Variants in CCNT2 observed in about 807,000 individuals in gnomAD.
CCNT2 encodes cyclin-T2.
In CCNT2, 18 loss-of-function variants were observed where a neutral mutation model predicts 70.0. The ratio of observed to expected loss-of-function variants is 0.26; its 90% CI spans 0.18 to 0.38. The LOEUF (loss-of-function observed/expected upper bound fraction) is 0.38. Among genes scored for constraint, CCNT2 ranks in the 10% least tolerant of loss-of-function variants. The pLI, the probability that CCNT2 is intolerant of heterozygous loss-of-function variation, is 1.00. For synonymous variants in CCNT2, 334 were observed against 313.3 expected (o/e 1.07, Z -0.70); for missense variants, 734 against 890.2 (o/e 0.82, Z 2.23).
At position 134,959,286 on chromosome 2, in the gene CCNT2, G is replaced by C. The variant is rs1161678026; in HGVS notation, c.*4638G>C. Reference sequence around the variant, plus strand: ...GTGTATATGGCATGAATTAGTCATTGACTTTAAGCTTCTTATCCATACAAG... The same window carrying C: ...GTGTATATGGCATGAATTAGTCATTCACTTTAAGCTTCTTATCCATACAAG... On this transcript the variant is annotated 3_prime_UTR_variant, in exon 9 of 9. Coordinates refer to ENST00000264157, the MANE Select transcript of CCNT2 (RefSeq NM_058241.3). The C allele has an allele frequency of 6.6e-6, 1 of 152,196 alleles. No individual in the cohort carries two copies. The highest frequency in any genetic ancestry group is 2.4e-5 in the African/African-American group (1 of 41,446). The allele number at this position is 152,196 out of a possible 1,614,324, so 9.4% of individuals were successfully genotyped here.
chr2:134,944,890 T>C, intron 5 of CCNT2: 1 of 985,344 alleles, frequency 1.0e-6, no homozygotes, highest in South Asian at 4.7e-5. Flanking sequence ...TTTTTAATTA[T>C]TATTTTTTCC....
At chr2:134,939,103 C>T (rs761078441) in intron 4 of CCNT2, 41 bp downstream of exon 4, 3 of 1,232,768 alleles carry the variant, frequency 2.4e-6, no homozygotes, top group Non-Finnish European at 3.5e-6. Context: ...GTGTGTATTT[C>T]ACTAAAGCAT....
chr2:134,954,693 A>G lies in CCNT2; in HGVS notation c.*45A>G. 1 of 1,335,938 alleles carries G rather than the reference A, an allele frequency of 7.5e-7. No individual in the cohort carries two copies. The highest frequency in any genetic ancestry group is 1.1e-6 in the Non-Finnish European group (1 of 947,616). 82.8% of individuals were successfully genotyped at this position (1,335,938 alleles called of 1,614,324 possible). On this transcript the variant is annotated 3_prime_UTR_variant, in exon 9 of 9. Transcript: ENST00000264157. Reference sequence around the variant, plus strand: ...TTTCCTTTACTTTTTTAATTTAAAAATTGTTAGAATGGAAAAATTCCTTCT... The same window carrying G: ...TTTCCTTTACTTTTTTAATTTAAAAGTTGTTAGAATGGAAAAATTCCTTCT...
Position 134,918,893 on chromosome 2 carries a change from T to C in CCNT2, c.39T>C (p.Phe13=), listed in dbSNP as rs1679605593. 2.5e-6 allele frequency: 4 copies of C among 1,613,964 alleles called. No homozygotes were observed. Among genetic ancestry groups the C allele is most frequent in the African/African-American group, 2.7e-5 (2 of 75,052 alleles). ...GTGGAGCTTCTTCTCGCTGGTTCTTTACTCGGGAACAGCTGGAGAACACGC... is the reference window on the plus strand; with the variant it reads ...GTGGAGCTTCTTCTCGCTGGTTCTTCACTCGGGAACAGCTGGAGAACACGC... ...SGRGASSRWF[F]TREQLENTPS... The change falls in exon 1 of 9, where the codon TTT becomes TTC. Residue 13 remains phenylalanine, a synonymous_variant. Transcript: ENST00000264157.
rs1458761295 is a variant in CCNT2 at position 134,944,735 on chromosome 2, GT to G, written c.494-1363del. The G allele has an allele frequency of 4.1e-6, 4 of 984,756 alleles. No homozygotes were observed. The African/African-American group carries it at 5.2e-5, about 13-fold the overall frequency. The allele number at this position is 984,756 out of a possible 1,614,324, so 61.0% of individuals were successfully genotyped here. On this transcript the variant is annotated intron_variant, in intron 5 of 8. Coordinates refer to ENST00000264157, the MANE Select transcript of CCNT2 (RefSeq NM_058241.3). Reference sequence around the variant, plus strand: ...TATCTCACTCCATTTTAAAAGTACTGTTTCATGTTTTAGTGTCTTTTTGTTT... The same window carrying G: ...TATCTCACTCCATTTTAAAAGTACTGTTCATGTTTTAGTGTCTTTTTGTTT...
rs1268291297 is a variant in CCNT2 at position 134,952,066 on chromosome 2, G to C, written c.704-575G>C. On this transcript the variant is annotated intron_variant, in intron 7 of 8. Coordinates refer to ENST00000264157, the MANE Select transcript of CCNT2 (RefSeq NM_058241.3). ...ATCCATTTTGAGCAAGAATACCATAGAAGTAAATTGGGTCTTGCTTGGTGC... is the reference window on the plus strand; with the variant it reads ...ATCCATTTTGAGCAAGAATACCATACAAGTAAATTGGGTCTTGCTTGGTGC... Among the ~76,000 whole-genome samples the C allele has an allele frequency of 2.0e-5, 3 of 152,120 alleles. No individual in the cohort carries two copies. The East Asian group carries it at 5.8e-4, about 29-fold the overall frequency.
chr2:134,930,035 TA>T (rs1680628141), intron 2 of CCNT2, among the ~76,000 whole-genome samples: 2 of 152,232 alleles, frequency 1.3e-5, no homozygotes, highest in Admixed American at 1.3e-4. Context: ...TCCACCTATT[TA>T]GAATGCATAA....
At chr2:134,948,861 C>T (rs1327622862) in intron 7 of CCNT2, among the ~76,000 whole-genome samples, 4 of 151,706 alleles carry the variant, frequency 2.6e-5, no homozygotes, top group African/African-American at 4.8e-5. Flanking sequence ...ACTGCAGGCA[C>T]GAGCCACCAC....
At position 134,953,518 on chromosome 2, in the gene CCNT2, C is replaced by G; in HGVS notation, c.1063C>G (p.Gln355Glu). 1 of 1,614,180 alleles carries G rather than the reference C, an allele frequency of 6.2e-7. No individual in the cohort carries two copies. The highest frequency in any genetic ancestry group is 8.5e-7 in the Non-Finnish European group (1 of 1,180,034). Reference sequence around the variant, plus strand: ...ATCACACCAGGAATGGCCTCAACATCAAGACTCAGCAAGGACAGAACAGCT... The same window carrying G: ...ATCACACCAGGAATGGCCTCAACATGAAGACTCAGCAAGGACAGAACAGCT... ...LSSHQEWPQH[Q>E]DSARTEQLYS... is the part of the protein sequence containing the mutation. The change falls in exon 9 of 9, where the codon CAA becomes GAA. Residue 355 changes from glutamine to glutamate, a missense_variant. By Grantham distance (29) the Gln-to-Glu change is conservative. Coordinates refer to ENST00000264157, the MANE Select transcript of CCNT2 (RefSeq NM_058241.3).
intron 2 of CCNT2, among the ~76,000 whole-genome samples, chr2:134,935,517 A>G (rs1406007655): frequency 6.6e-6 from 1 of 152,174 alleles, no homozygotes; most frequent in Non-Finnish European, 1.5e-5. Flanking sequence ...TTGTTTCTGT[A>G]CGGTAATTGT....
rs1682744234 is a variant in CCNT2 at position 134,954,099 on chromosome 2, A to G, written c.1644A>G (p.Ser548=). The G allele has an allele frequency of 6.2e-7, 1 of 1,614,044 alleles. No homozygotes were observed. The highest frequency in any genetic ancestry group is 1.3e-5 in the African/African-American group (1 of 74,916). The change falls in exon 9 of 9, where the codon TCA becomes TCG. Residue 548 remains serine, a synonymous_variant. Transcript: ENST00000264157. ...SDEGSGKSKH[S]SPHISRDHKE... ...AAGGCAGTGGGAAGAGCAAACATTC[A>G]AGCCCACATATTAGCAGAGACCATA...
chr2:134,940,056 C>G (rs916751271), intron 4 of CCNT2, among the ~76,000 whole-genome samples: 8 of 152,118 alleles, frequency 5.3e-5, no homozygotes, highest in African/African-American at 1.9e-4. Flanking sequence ...TGTTGTACCT[C>G]CATTCTGTAG....
At chr2:134,944,710 T>C in intron 5 of CCNT2, 1 of 983,826 alleles carries the variant, frequency 1.0e-6, no homozygotes, top group Non-Finnish European at 1.2e-6. Context: ...AACTAGAATA[T>C]ATCTCACTCC....
chr2:134,953,196 A>G lies in CCNT2; in HGVS notation c.775-34A>G, dbSNP rs201915230. 174 of 1,455,130 alleles carry G rather than the reference A, an allele frequency of 1.2e-4. No individual in the cohort carries two copies. In the African/African-American group the frequency reaches 2.1e-3, roughly 18 times the overall value. The allele number at this position is 1,455,130 out of a possible 1,614,324, so 90.1% of individuals were successfully genotyped here. ...GAAATTTGCATTAAATTATTTTGCT[A>G]TATCACTGCTTCTTCTGTGTTTTAT... On this transcript the variant is annotated intron_variant, in intron 8 of 8. Transcript: ENST00000264157.
At chr2:134,926,306 A>G (rs1680297150) in intron 2 of CCNT2, among the ~76,000 whole-genome samples, 1 of 152,218 alleles carries the variant, frequency 6.6e-6, no homozygotes, top group Non-Finnish European at 1.5e-5. Flanking sequence ...ATAATTTCAC[A>G]GAGCTCCCTT....
chr2:134,955,483 T>C lies in CCNT2; in HGVS notation c.*835T>C, dbSNP rs1002488832. 2 of 152,662 alleles carry C rather than the reference T, an allele frequency of 1.3e-5. No individual in the cohort carries two copies. The highest frequency in any genetic ancestry group is 4.8e-5 in the African/African-American group (2 of 41,452). 9.5% of individuals were successfully genotyped at this position (152,662 alleles called of 1,614,324 possible). On this transcript the variant is annotated 3_prime_UTR_variant, in exon 9 of 9. Transcript: ENST00000264157. ...ACATACTCTTGATGTGAAGTGCATT[T>C]AAATGTTTGTTGGCTTGTTGCAGTT...
At chr2:134,944,136 C>G in intron 5 of CCNT2, 1 of 984,098 alleles carries the variant, frequency 1.0e-6, no homozygotes, top group Non-Finnish European at 1.2e-6. Context: ...GGTTCCTGTT[C>G]TTCATGGTTA....
In CCNT2 at chr2:134,954,029, T is replaced by C; in HGVS notation, c.1574T>C (p.Met525Thr). ...AGCGCCAGTAAAGAAGAACTGAAAA[T>C]GAAAATAAAAGTTTCTTCTTCAGAA... Reference protein sequence around the residue: ...DKSASKEELKMKIKVSSSERH... With the variant: ...DKSASKEELKTKIKVSSSERH... The change falls in exon 9 of 9, where the codon ATG becomes ACG. Residue 525 changes from methionine (M) to threonine (T), a missense_variant. By Grantham distance (81) the Met-to-Thr change is moderately conservative. Around this residue, in one of 3 missense-constraint regions of CCNT2, gnomAD observed 532 missense variants for 556.9 expected, o/e 0.96. Transcript: ENST00000264157. 1 of 1,613,668 alleles carries C rather than the reference T, an allele frequency of 6.2e-7. No individual in the cohort carries two copies. The highest frequency in any genetic ancestry group is 1.1e-5 in the South Asian group (1 of 91,066).
At chr2:134,927,899 C>T (rs1231899000) in intron 2 of CCNT2, among the ~76,000 whole-genome samples, 2 of 152,184 alleles carry the variant, frequency 1.3e-5, no homozygotes, top group Non-Finnish European at 2.9e-5. Context: ...TGACATATTA[C>T]ATACTCTTTA....
Sources: gnomAD v4.1 joint callset for allele counts (sites outside exome capture counted in the v4.1 genomes callset) on GRCh38, gnomAD v4.1.1 for gene constraint, gnomAD v4.1.1 regional missense constraint, MANE v1.5 for transcripts, NCBI Gene and HGNC (gene_info 2026-07-23, HGNC 2026-07-21) for gene names.